CHST15: variants seen among roughly 807,000 people sequenced by gnomAD.
CHST15 encodes B cell RAG associated protein (GALNAC4S-6ST).
A neutral mutation model predicts 53.6 loss-of-function variants in CHST15; 30 were observed. That is an observed-to-expected ratio of 0.56 (90% confidence interval 0.42 to 0.76). CHST15 has a LOEUF of 0.76. CHST15 is among the 30% of genes least tolerant of loss of function. The pLI, the probability that CHST15 is intolerant of heterozygous loss-of-function variation, is 0.00. For synonymous variants in CHST15, 296 were observed against 289.8 expected (o/e 1.02, Z -0.22); for missense variants, 627 against 740.5 (o/e 0.85, Z 1.78).
At chr10:124,068,156 C>G (rs1426302489) in intron 1 of CHST15, among the ~76,000 whole-genome samples, 1 of 152,092 alleles carries the variant, frequency 6.6e-6, no homozygotes, top group Non-Finnish European at 1.5e-5. Flanking sequence ...AGAGGCAGAG[C>G]CAAGGGGATG....
rs753052819 is a variant in CHST15, at chr10:124,046,041, G to A, written c.172C>T (p.Leu58Phe). ...TCGTTCCCTTCAGTCCTCACTTCGA[G>A]AACAGCAAGCAAGTTCATCTGCTTA... is the stretch of plus-strand genomic sequence containing the variant. ...DSKQMNLLAV[L>F]EVRTEGNENW... The change falls in exon 2 of 8, where the codon CTC (leucine) becomes TTC (phenylalanine). Residue 58 changes from leucine (L) to phenylalanine (F), a missense_variant. Coordinates refer to ENST00000435907, the MANE Select transcript of CHST15 (RefSeq NM_001270764.2). 1 of 1,614,208 alleles carries A rather than the reference G, an allele frequency of 6.2e-7. No homozygotes were observed. The highest frequency in any genetic ancestry group is 1.1e-5 in the South Asian group (1 of 91,080).
intron 5 of CHST15, among the ~76,000 whole-genome samples, chr10:124,022,302 C>T (rs998947063): frequency 6.6e-6 from 1 of 152,238 alleles, no homozygotes; most frequent in East Asian, 1.9e-4. Context: ...GAACTGAACT[C>T]GGAATGGGCC....
chr10:124,061,050 C>T (rs764307387), intron 1 of CHST15, among the ~76,000 whole-genome samples: 13 of 152,254 alleles, frequency 8.5e-5, no homozygotes, highest in Admixed American at 2.6e-4. Flanking sequence ...GATAAGAAAA[C>T]GGTGGCTCTG....
At chr10:124,090,199 A>G (rs1414777601) in intron 1 of CHST15, among the ~76,000 whole-genome samples, 1 of 152,122 alleles carries the variant, frequency 6.6e-6, no homozygotes, top group Non-Finnish European at 1.5e-5. Flanking sequence ...CTAACCCTCT[A>G]CCATACTTCT....
At chr10:124,067,527 ACTT>A (rs1423299123) in intron 1 of CHST15, among the ~76,000 whole-genome samples, 1 of 152,204 alleles carries the variant, frequency 6.6e-6, no homozygotes, top group East Asian at 1.9e-4. Context: ...GAAGTTGGAG[ACTT>A]CTTCTGCATG....
Position 124,010,231 on chromosome 10 carries a change from A to G in CHST15, c.1604T>C (p.Ile535Thr), listed in dbSNP as rs1384694634. Reference protein sequence around the residue: ...LGPMWPITQKILRDFYRPFNA... With the variant: ...LGPMWPITQKTLRDFYRPFNA... ...GAAGGGCCTGTAGAAATCCCGCAGA[A>G]TCTTCTGTGTGATGGGCCACATGGG... The change falls in exon 8 of 8, where the codon ATT becomes ACT. Residue 535 changes from isoleucine to threonine, a missense_variant. By Grantham distance (89) the Ile-to-Thr change is moderately conservative (BLOSUM62 -1). Transcript: ENST00000435907. 1 of 1,614,118 alleles carries G rather than the reference A, an allele frequency of 6.2e-7. No homozygotes were observed. The highest frequency in any genetic ancestry group is 1.1e-5 in the South Asian group (1 of 91,078).
In CHST15 at chr10:124,007,965, G is replaced by A; in HGVS notation, c.*2184C>T. On this transcript the variant is annotated 3_prime_UTR_variant, in exon 8 of 8. Transcript: ENST00000435907. ...GGGCCTCGAATGAGAGGAAGCAGAGGCAGCCGAAGTGCCCTCTGGAGAGAA... is the reference window on the plus strand; with the variant it reads ...GGGCCTCGAATGAGAGGAAGCAGAGACAGCCGAAGTGCCCTCTGGAGAGAA... The A allele has an allele frequency of 8.3e-7, 1 of 1,204,796 alleles. No individual in the cohort carries two copies. Among genetic ancestry groups the A allele is most frequent in the East Asian group, 3.3e-5 (1 of 30,096 alleles). The allele number at this position is 1,204,796 out of a possible 1,614,324, so 74.6% of individuals were successfully genotyped here.
chr10:124,064,089 C>T (rs1022968031), intron 1 of CHST15, among the ~76,000 whole-genome samples: 17 of 152,126 alleles, frequency 1.1e-4, no homozygotes, highest in African/African-American at 3.6e-4. Flanking sequence ...AGAGTGGAAT[C>T]TTTCTCATAA....
intron 3 of CHST15, among the ~76,000 whole-genome samples, chr10:124,044,002 A>G (rs1186000326): frequency 6.6e-6 from 1 of 151,480 alleles, no homozygotes; most frequent in Admixed American, 6.6e-5. Context: ...GAGGAACAGC[A>G]CAGAGCAGGG....
rs78463545 is a variant in CHST15, at chr10:124,037,495, C to A, written c.1190+1020G>T. On this transcript the variant is annotated intron_variant, in intron 5 of 7. Transcript: ENST00000435907. ...CCTAAGCTACACTGGCCATCTTGCG[C>A]GGAGAATTCCCTGACTCAGAGGGCC... Among the ~76,000 whole-genome samples the A allele has an allele frequency of 1.4e-3, 213 of 152,288 alleles. 1 individual carries two copies. Among genetic ancestry groups the A allele is most frequent in the African/African-American group, 5.0e-3 (209 of 41,562 alleles).
intron 1 of CHST15, among the ~76,000 whole-genome samples, chr10:124,062,534 G>A (rs769137074): frequency 3.3e-5 from 5 of 152,108 alleles, no homozygotes; most frequent in African/African-American, 1.2e-4. Flanking sequence ...ATGGACAGGC[G>A]TGGAGATTAG....
chr10:124,024,708 C>CATGGTTACT lies in CHST15; in HGVS notation c.1191-3305_1191-3297dup, dbSNP rs1380085772. ...CGGCATCTGTCGCCATAGGGTCGCT[C>CATGGTTACT]ATGGTTACTATGACCTAAATGGCTG... is the stretch of plus-strand genomic sequence containing the variant. On this transcript the variant is annotated intron_variant, in intron 5 of 7. Transcript: ENST00000435907. This position sits in a 1 kb window ranked among gnomAD's most constrained non-coding sequence, Gnocchi z 4.0. Among the ~76,000 whole-genome samples, 1 of 152,218 alleles carries CATGGTTACT rather than the reference C, an allele frequency of 6.6e-6. No homozygotes were observed. Among genetic ancestry groups the CATGGTTACT allele is most frequent in the Admixed American group, 6.5e-5 (1 of 15,288 alleles).
Position 124,045,129 on chromosome 10 carries a change from A to ACAAAAAAC in CHST15, c.547-211_547-210insGTTTTTTG, listed in dbSNP as rs1564882171. On this transcript the variant is annotated intron_variant, in intron 2 of 7. Transcript: ENST00000435907. ...CCGCCCCACAAAAAAAAAAAAAAAA[A>ACAAAAAAC]AAAAAAAAAAAAAAACTTGGAGAGA... Among the ~76,000 whole-genome samples the ACAAAAAAC allele has an allele frequency of 2.0e-5, 3 of 148,184 alleles. 1 individual carries two copies. The highest frequency in any genetic ancestry group is 7.5e-5 in the African/African-American group (3 of 39,906).
chr10:124,061,694 C>A (rs2134103701), intron 1 of CHST15, among the ~76,000 whole-genome samples: 1 of 152,242 alleles, frequency 6.6e-6, no homozygotes, highest in East Asian at 1.9e-4. Context: ...ATAAATGTTG[C>A]ACAAAAAATG....
chr10:124,008,955 T>G lies in CHST15; in HGVS notation c.*1194A>C. On this transcript the variant is annotated 3_prime_UTR_variant, in exon 8 of 8. Coordinates refer to ENST00000435907, the MANE Select transcript of CHST15 (RefSeq NM_001270764.2). The stretch of plus-strand genomic sequence containing the variant: ...GAAAATTCCATGAAGAACACGGCTC[T>G]TAGAAACCTCATTCCAAATCTCAAC... 7.8e-7 allele frequency: 1 copy of G among 1,289,164 alleles called. No individual in the cohort carries two copies. Among genetic ancestry groups the G allele is most frequent in the South Asian group, 1.2e-5 (1 of 81,020 alleles). 79.9% of individuals were successfully genotyped at this position (1,289,164 alleles called of 1,614,324 possible). A position where few individuals can be genotyped will look rare whatever the true frequency, so the allele number is the denominator to read the frequency against.
At chr10:124,053,955 G>A (rs1321447601) in intron 1 of CHST15, among the ~76,000 whole-genome samples, 2 of 152,142 alleles carry the variant, frequency 1.3e-5, no homozygotes, top group South Asian at 2.1e-4. Flanking sequence ...ACTCGGAAGG[G>A]AGCTGTTCCT....
intron 7 of CHST15, chr10:124,010,943 A>G: frequency 1.0e-6 from 1 of 985,372 alleles, no homozygotes; most frequent in African/African-American, 1.7e-5. Context: ...CCTGCCGGCA[A>G]GGGCTGTCAG....
At chr10:124,050,488 C>T (rs992747482) in intron 1 of CHST15, among the ~76,000 whole-genome samples, 5 of 152,166 alleles carry the variant, frequency 3.3e-5, no homozygotes, top group Non-Finnish European at 4.4e-5. Context: ...AGGGCTGTCC[C>T]GCGCACAGTA....
rs531048939 is a variant in CHST15, at chr10:124,023,040, G to C, written c.1191-1628C>G. Among the ~76,000 whole-genome samples, 3 of 151,914 alleles carry C rather than the reference G, an allele frequency of 2.0e-5. No individual in the cohort carries two copies. In the East Asian group the frequency reaches 5.8e-4, roughly 30 times the overall value. ...TCACCATGTTGGCCAGGCTGGTCCT[G>C]AACTCCTGCCTCAACTGATCCACCT... On this transcript the variant is annotated intron_variant, in intron 5 of 7. Transcript: ENST00000435907.
Sources: gnomAD v4.1 joint callset for allele counts (sites outside exome capture counted in the v4.1 genomes callset) on GRCh38, gnomAD v4.1.1 for gene constraint, Gnocchi (gnomAD v3.1) non-coding constraint, MANE v1.5 for transcripts, NCBI Gene and HGNC (gene_info 2026-07-23, HGNC 2026-07-21) for gene names.